The following KSR2 variants were observed in gnomAD, a reference collection of about 807,000 sequenced individuals.
KSR2 encodes kinase suppressor of ras 2.
Under a neutral mutation model 107.8 loss-of-function variants are expected in KSR2, and 25 were observed. The ratio of observed to expected loss-of-function variants is 0.23; its 90% CI spans 0.17 to 0.32. The LOEUF is 0.32. Ranked by LOEUF, KSR2 falls within the 10% of genes least tolerant of loss-of-function variation. The probability of loss-of-function intolerance (pLI) is 1.00; values close to 1 mark genes in which losing one functional copy is unlikely to be tolerated. For missense variants in KSR2, 887 were observed against 1,268.9 expected (o/e 0.70, Z 4.57); for synonymous variants, 480 against 507.0 (o/e 0.95, Z 0.71).
chr12:117,826,890 A>T (rs1238352156), intron 3 of KSR2, among the ~76,000 whole-genome samples: 1 of 152,070 alleles, frequency 6.6e-6, no homozygotes, highest in East Asian at 1.9e-4. Context: ...GTTCAAGACC[A>T]GCCTGGGTAA....
chr12:117,670,718 T>G (rs11068612), intron 4 of KSR2, among the ~76,000 whole-genome samples: 7,316 of 152,138 alleles, frequency 0.048, 381 homozygotes, highest in African/African-American at 0.12. Context: ...CTAGCACTGA[T>G]CCCTTTTGCT....
intron 4 of KSR2, among the ~76,000 whole-genome samples, chr12:117,682,439 C>T (rs1023663271): frequency 1.2e-4 from 18 of 151,172 alleles, no homozygotes; most frequent in Admixed American, 5.9e-4. Context: ...TTTTTTGAGA[C>T]GGAGTTTTGT....
chr12:117,580,447 G>A (rs945415529), intron 6 of KSR2, among the ~76,000 whole-genome samples: 1 of 152,210 alleles, frequency 6.6e-6, no homozygotes, highest in Non-Finnish European at 1.5e-5. Context: ...TGGCGGGCAG[G>A]CTTCATAAGC....
At chr12:117,710,086 G>T (rs563263509) in intron 4 of KSR2, among the ~76,000 whole-genome samples, 1 of 152,292 alleles carries the variant, frequency 6.6e-6, no homozygotes, top group South Asian at 2.1e-4. Flanking sequence ...AAAACCAGCT[G>T]CAAGAATGTT....
At chr12:117,557,411 TG>T (rs1213231623) in intron 8 of KSR2, among the ~76,000 whole-genome samples, 12 of 152,264 alleles carry the variant, frequency 7.9e-5, no homozygotes. Context: ...TCTAGAGCAG[TG>T]CTTCTCAACT....
intron 14 of KSR2, among the ~76,000 whole-genome samples, chr12:117,520,118 C>T (rs773048598): frequency 6.6e-6 from 1 of 152,130 alleles, no homozygotes; most frequent in Non-Finnish European, 1.5e-5. Context: ...GCTAAGGCGG[C>T]CATTGGCAAA....
At chr12:117,573,452 C>T (rs1166512457) in intron 7 of KSR2, among the ~76,000 whole-genome samples, 1 of 151,722 alleles carries the variant, frequency 6.6e-6, no homozygotes, top group Non-Finnish European at 1.5e-5. Context: ...GCCACACAAC[C>T]AGTTGGCAGC....
chr12:117,914,864 T>C lies in KSR2; in HGVS notation c.180+53212A>G, dbSNP rs2393379. On this transcript the variant is annotated intron_variant, in intron 1 of 19. Transcript: ENST00000339824. ...CAATTTTTGTATGCATAAGTGAACA[T>C]GGTGTGAACTGAGGCTGAATACGGT... Among the ~76,000 whole-genome samples, 1,058 of 152,266 alleles carry C rather than the reference T, an allele frequency of 6.9e-3. 10 individuals carry two copies. The highest frequency in any genetic ancestry group is 0.024 in the African/African-American group (985 of 41,548).
At chr12:117,613,894 C>T (rs373907928) in intron 5 of KSR2, among the ~76,000 whole-genome samples, 21 of 152,236 alleles carry the variant, frequency 1.4e-4, no homozygotes, top group African/African-American at 4.8e-4. Flanking sequence ...TTGAATTGTA[C>T]CTCCCAAGTA....
chr12:117,915,916 A>C (rs1188891198), intron 1 of KSR2, among the ~76,000 whole-genome samples: 1 of 151,994 alleles, frequency 6.6e-6, no homozygotes, highest in African/African-American at 2.4e-5. Flanking sequence ...CTCTACCCTC[A>C]AGCAGACTTT....
chr12:117,573,126 T>C (rs1403156121), intron 7 of KSR2, among the ~76,000 whole-genome samples: 1 of 152,194 alleles, frequency 6.6e-6, no homozygotes, highest in Admixed American at 6.5e-5. Flanking sequence ...AATCTCTCTA[T>C]TCAGAATGCC....
chr12:117,879,657 C>A (rs1172801504), intron 1 of KSR2, among the ~76,000 whole-genome samples: 1 of 152,222 alleles, frequency 6.6e-6, no homozygotes, highest in African/African-American at 2.4e-5. Context: ...GTGGAGGCTG[C>A]AGTGAGCCAT....
intron 3 of KSR2, among the ~76,000 whole-genome samples, chr12:117,804,135 C>T (rs780595361): frequency 2.6e-5 from 4 of 152,286 alleles, no homozygotes; most frequent in East Asian, 1.9e-4. Flanking sequence ...CTCTGCCTCC[C>T]GGGTTCTAAG....
chr12:117,552,377 C>T (rs114704244), intron 9 of KSR2, among the ~76,000 whole-genome samples: 5,211 of 152,240 alleles, frequency 0.034, 284 homozygotes, highest in African/African-American at 0.12. Context: ...AGTTGAGGTC[C>T]GTGTTTCTTC....
At chr12:117,609,098 AG>A (rs1881452008) in intron 5 of KSR2, among the ~76,000 whole-genome samples, 1 of 152,152 alleles carries the variant, frequency 6.6e-6, no homozygotes, top group South Asian at 2.1e-4. Flanking sequence ...GGCTTGGGGA[AG>A]GGTCATACAA....
In KSR2 at chr12:117,968,305, AGAGGG is replaced by A; in HGVS notation, c.-55_-51del. The A allele has an allele frequency of 9.0e-7, 1 of 1,110,326 alleles. No individual in the cohort carries two copies. Among genetic ancestry groups the A allele is most frequent in the Non-Finnish European group, 1.2e-6 (1 of 858,890 alleles). The allele number at this position is 1,110,326 out of a possible 1,614,324, so 68.8% of individuals were successfully genotyped here. A position where few individuals can be genotyped will look rare whatever the true frequency, so the allele number is the denominator to read the frequency against. ...CTCCTCCTCCTCCCAGAGAGAAAAAAGAGGGGGGGGAGTAGAGGTAGTCTACCCTC... is the reference window on the plus strand; with the variant it reads ...CTCCTCCTCCTCCCAGAGAGAAAAAAGGGGGAGTAGAGGTAGTCTACCCTC... On this transcript the variant is annotated 5_prime_UTR_variant, in exon 1 of 20. Transcript: ENST00000339824.
intron 1 of KSR2, among the ~76,000 whole-genome samples, chr12:117,936,587 C>T (rs1334141824): frequency 6.7e-6 from 1 of 148,964 alleles, no homozygotes; most frequent in African/African-American, 2.4e-5. Flanking sequence ...GACAGGGTCT[C>T]GCTTTGTTGC....
intron 10 of KSR2, among the ~76,000 whole-genome samples, chr12:117,534,688 G>A (rs991722226): frequency 6.6e-6 from 1 of 152,020 alleles, no homozygotes; most frequent in Non-Finnish European, 1.5e-5. Flanking sequence ...TCATTACATG[G>A]CACAAGGGAC....
In KSR2 at chr12:117,745,362, A is replaced by C. The variant is rs184300387; in HGVS notation, c.986+15649T>G. 2.6e-3 allele frequency among the ~76,000 whole-genome samples: 392 copies of C among 152,354 alleles called. 1 individual carries two copies. The highest frequency in any genetic ancestry group is 8.8e-3 in the African/African-American group (367 of 41,582). On this transcript the variant is annotated intron_variant, in intron 4 of 19. Coordinates refer to ENST00000339824, the MANE Select transcript of KSR2 (RefSeq NM_173598.6). ...CAAATGGGATTTCATCAAGCTAAAA[A>C]GCTTCTGCACAGCAAAGGAAACAAT...
Sources: gnomAD v4.1 joint callset for allele counts (sites outside exome capture counted in the v4.1 genomes callset) on GRCh38, gnomAD v4.1.1 for gene constraint, MANE v1.5 for transcripts, NCBI Gene and HGNC (gene_info 2026-07-23, HGNC 2026-07-21) for gene names.